The following CNTN5 variants were observed in gnomAD, a reference collection of about 807,000 sequenced individuals.
The protein encoded by CNTN5 is contactin-5.
Under a neutral mutation model 129.1 loss-of-function variants are expected in CNTN5, and 77 were observed. The observed-to-expected ratio is 0.60, with a 90% CI of 0.50 to 0.72. The LOEUF is 0.72. Among genes scored for constraint, CNTN5 ranks in the 30% least tolerant of loss-of-function variants. The pLI, the probability that CNTN5 is intolerant of heterozygous loss-of-function variation, is 0.00. For synonymous variants in CNTN5, 509 were observed against 465.6 expected (o/e 1.09, Z -1.20); for missense variants, 1,478 against 1,328.8 (o/e 1.11, Z -1.75).
intron 1 of CNTN5, among the ~76,000 whole-genome samples, chr11:99,145,315 CCA>C (rs1180162132): frequency 6.6e-6 from 1 of 152,020 alleles, no homozygotes; most frequent in Non-Finnish European, 1.5e-5. Flanking sequence ...AATGATTCAC[CCA>C]CCTCGGCCTC....
At chr11:99,890,234 A>C (rs1949021594) in intron 6 of CNTN5, among the ~76,000 whole-genome samples, 1 of 152,224 alleles carries the variant, frequency 6.6e-6, no homozygotes, top group Non-Finnish European at 1.5e-5. Flanking sequence ...AACAGGAGCC[A>C]ATTGAAAGAG....
intron 8 of CNTN5, among the ~76,000 whole-genome samples, chr11:99,990,491 C>A (rs1168428360): frequency 6.9e-6 from 1 of 144,694 alleles, no homozygotes; most frequent in Non-Finnish European, 1.5e-5. Flanking sequence ...CACATACATA[C>A]TAGTGATGAA....
intron 3 of CNTN5, among the ~76,000 whole-genome samples, chr11:99,600,508 C>T (rs2135702745): frequency 6.6e-6 from 1 of 152,286 alleles, no homozygotes; most frequent in East Asian, 1.9e-4. Flanking sequence ...TGCCTGAGTA[C>T]ATCTAGGCTA....
chr11:99,548,118 A>G (rs1948361446), intron 2 of CNTN5, among the ~76,000 whole-genome samples: 1 of 151,808 alleles, frequency 6.6e-6, no homozygotes, highest in African/African-American at 2.4e-5. Flanking sequence ...TGCAGTTACT[A>G]TTTTTCCTTT....
At chr11:99,175,336 C>T (rs1857721813) in intron 1 of CNTN5, among the ~76,000 whole-genome samples, 1 of 152,068 alleles carries the variant, frequency 6.6e-6, no homozygotes. Context: ...GACAACATAG[C>T]TCTGTGAAAA....
intron 2 of CNTN5, among the ~76,000 whole-genome samples, chr11:99,470,074 T>G (rs1199121624): frequency 6.6e-6 from 1 of 152,210 alleles, no homozygotes; most frequent in South Asian, 2.1e-4. Context: ...AATTGTAACC[T>G]GGGCAGGCTA....
At chr11:99,290,109 A>AC (rs913500596) in intron 1 of CNTN5, among the ~76,000 whole-genome samples, 2 of 151,614 alleles carry the variant, frequency 1.3e-5, no homozygotes, top group Non-Finnish European at 3.0e-5. Context: ...TAAAATTATA[A>AC]CCCCCCCAAA....
In CNTN5 at chr11:100,193,523, G is replaced by T. The variant is rs778080661; in HGVS notation, c.1744G>T (p.Glu582Ter). 5 of 1,608,054 alleles carry T rather than the reference G, an allele frequency of 3.1e-6. No homozygotes were observed. The highest frequency in any genetic ancestry group is 1.3e-5 in the African/African-American group (1 of 74,752). The change falls in exon 15 of 25, where the codon GAA (glutamate) becomes TAA (stop). Residue 582 changes from glutamate (E) to a stop codon, truncating the protein, a stop_gained. Transcript: ENST00000524871. LOFTEE classifies it high-confidence loss of function. ...GATAGAACTTACTCCTAAAAGAACA[G>T]AATTGACAGTGGGAGAAAGCATTGT... ...TRIELTPKRT[E>*]LTVGESIVLN...
At chr11:99,305,704 G>A (rs1864842187) in intron 1 of CNTN5, among the ~76,000 whole-genome samples, 1 of 152,148 alleles carries the variant, frequency 6.6e-6, no homozygotes, top group African/African-American at 2.4e-5. Flanking sequence ...ATCTTGGCCA[G>A]GTGTGGTGGC....
chr11:99,440,686 G>C (rs1355290111), intron 2 of CNTN5, among the ~76,000 whole-genome samples: 2 of 149,984 alleles, frequency 1.3e-5, no homozygotes, highest in African/African-American at 2.4e-5. Flanking sequence ...TTTTTTTTCT[G>C]GATGCTTAAT....
At chr11:99,039,897 G>A (rs1863920389) in intron 1 of CNTN5, among the ~76,000 whole-genome samples, 1 of 152,136 alleles carries the variant, frequency 6.6e-6, no homozygotes, top group Non-Finnish European at 1.5e-5. Context: ...ACTTTAAAAT[G>A]TGTAGGAGCT....
At chr11:99,840,243 TTAATGA>T (rs973130234) in intron 4 of CNTN5, among the ~76,000 whole-genome samples, 34 of 152,266 alleles carry the variant, frequency 2.2e-4, no homozygotes, top group African/African-American at 6.7e-4. Context: ...AAGTTGTCTC[TTAATGA>T]TAAAGAAAGA....
chr11:99,955,726 T>C (rs78924930), intron 7 of CNTN5, among the ~76,000 whole-genome samples: 13 of 141,694 alleles, frequency 9.2e-5, no homozygotes, highest in African/African-American at 3.6e-4. Flanking sequence ...GCCCGGCTAA[T>C]TTTTTTTTTT....
chr11:100,236,371 G>T (rs1479588560), intron 16 of CNTN5, among the ~76,000 whole-genome samples: 1 of 152,148 alleles, frequency 6.6e-6, no homozygotes, highest in East Asian at 1.9e-4. Context: ...GGACATGGAG[G>T]CTGGCCCCTC....
intron 13 of CNTN5, among the ~76,000 whole-genome samples, chr11:100,169,384 G>A (rs868620116): frequency 1.3e-5 from 2 of 152,000 alleles, no homozygotes; most frequent in Middle Eastern, 3.4e-3. Flanking sequence ...AACTGTGACT[G>A]GACAAGCCAT....
intron 15 of CNTN5, 118 bp downstream of exon 15, chr11:100,193,781 T>A (rs759192154): frequency 1.3e-6 from 1 of 748,400 alleles, no homozygotes; most frequent in Non-Finnish European, 2.1e-6. Context: ...ATCGACTTGA[T>A]AAAAACAATT....
chr11:100,238,774 T>C (rs1949678507), intron 16 of CNTN5, among the ~76,000 whole-genome samples: 1 of 152,194 alleles, frequency 6.6e-6, no homozygotes, highest in South Asian at 2.1e-4. Flanking sequence ...CTTTATGGTA[T>C]TCATAGGAGG....
chr11:99,778,851 C>A (rs1945215337), intron 3 of CNTN5, among the ~76,000 whole-genome samples: 2 of 140,318 alleles, frequency 1.4e-5, no homozygotes, highest in South Asian at 4.3e-4. Flanking sequence ...AACAATTTTT[C>A]TCTATTTGTG....
At chr11:99,536,654 C>T (rs1365464174) in intron 2 of CNTN5, among the ~76,000 whole-genome samples, 1 of 151,990 alleles carries the variant, frequency 6.6e-6, no homozygotes, top group Non-Finnish European at 1.5e-5. Flanking sequence ...ACACTAATAG[C>T]TACTGTGTTC....
Sources: gnomAD v4.1 joint callset for allele counts (sites outside exome capture counted in the v4.1 genomes callset) on GRCh38, gnomAD v4.1.1 for gene constraint, MANE v1.5 for transcripts, NCBI Gene and HGNC (gene_info 2026-07-23, HGNC 2026-07-21) for gene names.